The following ABCB4 variants were observed in gnomAD, a reference collection of about 807,000 sequenced individuals.
ABCB4 encodes the protein phosphatidylcholine translocator ABCB4.
In ABCB4, 76 loss-of-function variants were observed where a neutral mutation model predicts 145.7. That is an observed-to-expected ratio of 0.52 (90% CI 0.43 to 0.63). The LOEUF (loss-of-function observed/expected upper bound fraction) is 0.63. Ranked by LOEUF, ABCB4 falls within the 30% of genes least tolerant of loss-of-function variation. The pLI, the probability that ABCB4 is intolerant of heterozygous loss-of-function variation, is 0.00. For synonymous variants in ABCB4, 517 were observed against 566.8 expected (o/e 0.91, Z 1.25); for missense variants, 1,234 against 1,553.1 (o/e 0.79, Z 3.45).
intron 9 of ABCB4, among the ~76,000 whole-genome samples, chr7:87,445,291 T>A (rs1212143586): frequency 6.6e-6 from 1 of 152,194 alleles, no homozygotes; most frequent in Non-Finnish European, 1.5e-5. Flanking sequence ...CCATCCTATA[T>A]GATTTTCTCT....
chr7:87,425,499 C>T (rs1210292927), intron 16 of ABCB4, among the ~76,000 whole-genome samples: 1 of 152,068 alleles, frequency 6.6e-6, no homozygotes, highest in Non-Finnish European at 1.5e-5. Flanking sequence ...ATAGCATGCA[C>T]AGATAAAAAC....
At chr7:87,473,442 C>G (rs1813580725) in intron 2 of ABCB4, among the ~76,000 whole-genome samples, 1 of 152,156 alleles carries the variant, frequency 6.6e-6, no homozygotes, top group Non-Finnish European at 1.5e-5. Flanking sequence ...TTTGCATTGC[C>G]AGTTACCTTT....
At chr7:87,380,653 A>G in the ABCB4 span, among the ~76,000 whole-genome samples, 4 of 152,194 alleles carry the variant, frequency 2.6e-5, no homozygotes, top group African/African-American at 9.7e-5. Flanking sequence ...ATAGCATTGG[A>G]ATTTTATATA....
intron 26 of ABCB4, among the ~76,000 whole-genome samples, chr7:87,403,605 A>G (rs1488878977): frequency 1.3e-5 from 2 of 152,250 alleles, no homozygotes; most frequent in Non-Finnish European, 2.9e-5. Context: ...AGTATGTGCT[A>G]TACTCTTATA....
At position 87,475,657 on chromosome 7, in the gene ABCB4, AG is replaced by A. The variant is rs1813763701; in HGVS notation, c.-31del. On this transcript the variant is annotated 5_prime_UTR_variant, in exon 1 of 28. Transcript: ENST00000649586. The stretch of plus-strand genomic sequence containing the variant: ...ACCTCGAACCTCGCGCGTGTCTGGC[AG>A]GGCCTCTGGACGCGCGGGCGCTGCA... 3.1e-6 allele frequency: 2 copies of A among 636,964 alleles called. No homozygotes were observed. The highest frequency in any genetic ancestry group is 2.5e-5 in the Admixed American group (1 of 39,322). 39.5% of individuals were successfully genotyped at this position (636,964 alleles called of 1,614,324 possible).
At chr7:87,473,726 A>AGT (rs4015825) in intron 2 of ABCB4, among the ~76,000 whole-genome samples, 17,653 of 150,022 alleles carry the variant, frequency 0.12, 1,310 homozygotes, top group African/African-American at 0.21. Context: ...TCTATGAGGG[A>AGT]GTGTGTGTGT....
the ABCB4 span, chr7:87,382,118 T>C: frequency 4.2e-5 from 68 of 1,613,570 alleles, no homozygotes; most frequent in Non-Finnish European, 5.5e-5. Context: ...AAGAGCTCAT[T>C]TTCATTGTGG....
the ABCB4 span, chr7:87,377,413 T>A: frequency 6.2e-7 from 1 of 1,611,094 alleles, no homozygotes; most frequent in Non-Finnish European, 8.5e-7. Context: ...TATAACTTGA[T>A]TTCCTTTTCT....
rs1300413609 is a variant in ABCB4, at chr7:87,444,889, T to C, written c.1092A>G (p.Ala364=). 1 of 1,609,540 alleles carries C rather than the reference T, an allele frequency of 6.2e-7. No homozygotes were observed. Among genetic ancestry groups the C allele is most frequent in the Admixed American group, 1.7e-5 (1 of 59,868 alleles). Residue 364 remains alanine, a synonymous_variant, in exon 10 of 28, where the codon GCA becomes GCG. Coordinates refer to ENST00000649586, the MANE Select transcript of ABCB4 (RefSeq NM_000443.4). ...TATCAATAATATCAAAGATCACATA[T>C]GCTGCTCCTCTTGCATTGGCAAAAG... is the stretch of plus-strand genomic sequence containing the variant. The part of the protein sequence containing the change: ...IDAFANARGA[A]YVIFDIIDNN...
the ABCB4 span, chr7:87,369,614 A>G: frequency 2.9e-6 from 1 of 344,422 alleles, no homozygotes; most frequent in African/African-American, 2.6e-5. Context: ...GCTTTTTTAA[A>G]AAAAAATCTA....
At position 87,462,778 on chromosome 7, in the gene ABCB4, G is replaced by A. The variant is rs759805488; in HGVS notation, c.266C>T (p.Ala89Val). 1 of 1,613,912 alleles carries A rather than the reference G, an allele frequency of 6.2e-7. No homozygotes were observed. The highest frequency in any genetic ancestry group is 8.5e-7 in the Non-Finnish European group (1 of 1,179,898). The change falls in exon 4 of 28, where the codon GCA becomes GTA. Residue 89 changes from alanine to valine, a missense_variant. Transcript: ENST00000649586. ...GEMTDKFVDT[A>V]GNFSFPVNFS... is the part of the protein sequence containing the mutation. The stretch of plus-strand genomic sequence containing the variant: ...CTTACCTGGAAAGGAGAAGTTTCCT[G>A]CAGTATCAACAAATTTGTCAGTCAT...
chr7:87,426,304 G>A (rs1466752260), intron 16 of ABCB4, among the ~76,000 whole-genome samples: 1 of 152,086 alleles, frequency 6.6e-6, no homozygotes, highest in Admixed American at 6.5e-5. Context: ...CTAGCCCTGG[G>A]TTTTTCACCT....
At chr7:87,382,023 T>C in the ABCB4 span, 1 of 1,584,100 alleles carries the variant, frequency 6.3e-7, no homozygotes, top group South Asian at 1.1e-5. Context: ...TCATCTTTTT[T>C]CTCCTAATAG....
chr7:87,382,362 G>A, the ABCB4 span: 11 of 1,584,542 alleles, frequency 6.9e-6, 1 homozygote, highest in Middle Eastern at 5.1e-4. Context: ...TCTCTTTGGT[G>A]TATTCTCCTT....
chr7:87,475,412 C>T lies in ABCB4; in HGVS notation c.54G>A (p.Glu18=), dbSNP rs141141860. The T allele has an allele frequency of 2.2e-5, 35 of 1,614,138 alleles. No individual in the cohort carries two copies. Among genetic ancestry groups the T allele is most frequent in the Non-Finnish European group, 3.0e-5 (35 of 1,180,052 alleles). The change falls in exon 2 of 28, where the codon GAG becomes GAA. Residue 18 remains glutamate, a synonymous_variant. Transcript: ENST00000649586. The part of the protein sequence containing the change: ...NGTAWRPTSA[E]GDFELGISSK... ...TGCTGATGCCCAGTTCAAAGTCGCCCTCCGCGCTCGTGGGGCGCCAGGCTG... is the reference window on the plus strand; with the variant it reads ...TGCTGATGCCCAGTTCAAAGTCGCCTTCCGCGCTCGTGGGGCGCCAGGCTG...
intron 3 of ABCB4, among the ~76,000 whole-genome samples, chr7:87,468,286 G>C (rs1038004626): frequency 6.6e-6 from 1 of 152,112 alleles, no homozygotes; most frequent in Non-Finnish European, 1.5e-5. Context: ...AAATAAACTA[G>C]AAAATCTAGA....
At chr7:87,380,183 G>C in the ABCB4 span, among the ~76,000 whole-genome samples, 1 of 39,216 alleles carries the variant, frequency 2.5e-5, no homozygotes, top group African/African-American at 5.2e-5. Context: ...AAGCCATGTT[G>C]CTGGTCCATA....
At chr7:87,467,515 G>A (rs559666274) in intron 3 of ABCB4, among the ~76,000 whole-genome samples, 81 of 152,222 alleles carry the variant, frequency 5.3e-4, no homozygotes, top group South Asian at 5.0e-3. Context: ...GGATATCCAG[G>A]AATTGAACTC....
intron 8 of ABCB4, 83 bp downstream of exon 8, chr7:87,449,885 G>T: frequency 6.2e-7 from 1 of 1,606,102 alleles, no homozygotes; most frequent in Non-Finnish European, 8.5e-7. Context: ...GGAAAGGGAA[G>T]GTAAAAAACA....
Sources: gnomAD v4.1 joint callset for allele counts (sites outside exome capture counted in the v4.1 genomes callset) on GRCh38, gnomAD v4.1.1 for gene constraint, MANE v1.5 for transcripts, NCBI Gene and HGNC (gene_info 2026-07-23, HGNC 2026-07-21) for gene names.